The following NUMB variants were observed in gnomAD, a reference collection of about 807,000 sequenced individuals.
NUMB encodes the protein protein numb homolog.
A neutral mutation model predicts 59.7 loss-of-function variants in NUMB; 29 were observed. That is an observed-to-expected ratio of 0.49 (90% CI 0.36 to 0.66). The LOEUF (loss-of-function observed/expected upper bound fraction) is 0.66, where lower values mean the gene tolerates loss of function less well. Ranked by LOEUF, NUMB falls within the 30% of genes least tolerant of loss-of-function variation. NUMB has a pLI of 0.00. For synonymous variants in NUMB, 288 were observed against 288.2 expected, an observed-to-expected ratio of 1.00 and a Z score of 0.01; for missense variants, 723 against 822.0, an observed-to-expected ratio of 0.88 and a Z score of 1.47.
intron 1 of NUMB, among the ~76,000 whole-genome samples, chr14:73,419,544 A>C (rs1897273928): frequency 6.6e-6 from 1 of 152,250 alleles, no homozygotes; most frequent in East Asian, 1.9e-4. Context: ...AAATAAGGAA[A>C]ACCTCAAGAG....
chr14:73,441,701 C>A (rs1472337211), intron 1 of NUMB, among the ~76,000 whole-genome samples: 1 of 151,806 alleles, frequency 6.6e-6, no homozygotes, highest in Non-Finnish European at 1.5e-5. Context: ...CATAGCAAGA[C>A]CCCATCTCTA....
intron 2 of NUMB, among the ~76,000 whole-genome samples, chr14:73,396,847 G>A (rs1896162052): frequency 6.6e-6 from 1 of 152,110 alleles, no homozygotes; most frequent in South Asian, 2.1e-4. Flanking sequence ...ATAGCAGCTG[G>A]CGCAGTGGCT....
In NUMB at chr14:73,395,037, T is replaced by TG. The variant is rs1896053515; in HGVS notation, c.-101+14899_-101+14900insC. The stretch of plus-strand genomic sequence containing the variant: ...TTAAGGTTGAATAGTATTCGTGTGT[T>TG]TGTGTGTGTGTGTGTGTGTGTGTGT... On this transcript the variant is annotated intron_variant, in intron 2 of 12. Coordinates refer to ENST00000555238, the MANE Select transcript of NUMB (RefSeq NM_001005743.2). 1.4e-3 allele frequency among the ~76,000 whole-genome samples: 169 copies of TG among 120,000 alleles called. 1 individual carries two copies. The highest frequency in any genetic ancestry group is 4.5e-3 in the Middle Eastern group (1 of 224). The allele number at this position is 120,000 out of a possible 152,430, so 78.7% of individuals were successfully genotyped here.
At chr14:73,398,716 G>A (rs1212663211) in intron 2 of NUMB, among the ~76,000 whole-genome samples, 1 of 151,858 alleles carries the variant, frequency 6.6e-6, no homozygotes, top group Non-Finnish European at 1.5e-5. Flanking sequence ...AGATTGACAA[G>A]GCTAAACAGA....
At chr14:73,301,394 C>T (rs1890121792) in intron 6 of NUMB, among the ~76,000 whole-genome samples, 1 of 152,196 alleles carries the variant, frequency 6.6e-6, no homozygotes, top group African/African-American at 2.4e-5. Flanking sequence ...TCCAGTTAGT[C>T]TCCTTACAAT....
intron 1 of NUMB, among the ~76,000 whole-genome samples, chr14:73,452,521 C>CA (rs557388372): frequency 4.6e-5 from 7 of 151,580 alleles, no homozygotes; most frequent in South Asian, 4.2e-4. Context: ...GACACCGTCT[C>CA]AAAAAAAAGG....
chr14:73,293,673 G>C (rs1051048820), intron 7 of NUMB, among the ~76,000 whole-genome samples: 1 of 152,134 alleles, frequency 6.6e-6, no homozygotes, highest in Non-Finnish European at 1.5e-5. Context: ...TTACAGGCAC[G>C]AGCCACCGTG....
chr14:73,452,343 A>T (rs781313981), intron 1 of NUMB, among the ~76,000 whole-genome samples: 19 of 152,128 alleles, frequency 1.2e-4, no homozygotes, highest in Non-Finnish European at 2.2e-4. Context: ...CTGGGCAACG[A>T]GAACGAAACT....
At chr14:73,362,603 C>A (rs1323771856) in intron 3 of NUMB, among the ~76,000 whole-genome samples, 1 of 151,848 alleles carries the variant, frequency 6.6e-6, no homozygotes, top group Non-Finnish European at 1.5e-5. Flanking sequence ...CCACCATGCC[C>A]AGCTATTTTT....
chr14:73,410,808 C>G (rs978181334), intron 1 of NUMB, among the ~76,000 whole-genome samples: 1 of 152,114 alleles, frequency 6.6e-6, no homozygotes, highest in Non-Finnish European at 1.5e-5. Flanking sequence ...CTTCTAACAG[C>G]CTACATACTC....
At chr14:73,341,529 C>T (rs1892628689) in intron 4 of NUMB, among the ~76,000 whole-genome samples, 1 of 152,000 alleles carries the variant, frequency 6.6e-6, no homozygotes. Context: ...TTAAAAGTGT[C>T]ACTATAGAAT....
intron 2 of NUMB, among the ~76,000 whole-genome samples, chr14:73,370,411 G>A (rs75386743): frequency 0.051 from 7,838 of 152,200 alleles, 653 homozygotes; most frequent in African/African-American, 0.18. Flanking sequence ...GTTTCTTCTC[G>A]CCAGGCGTGG....
intron 1 of NUMB, among the ~76,000 whole-genome samples, chr14:73,436,561 GCCCAC>G (rs1397139912): frequency 6.6e-6 from 1 of 151,998 alleles, no homozygotes; most frequent in African/African-American, 2.4e-5. Flanking sequence ...CTCATGATCC[GCCCAC>G]CTTGGGCTCC....
chr14:73,454,221 A>T (rs4899465), intron 1 of NUMB, among the ~76,000 whole-genome samples: 78,577 of 149,998 alleles, frequency 0.52, 21,093 homozygotes, highest in East Asian at 0.81. Flanking sequence ...ATTTTTTTTT[A>T]AAAAAAAAGG....
chr14:73,403,405 G>A (rs964697399), intron 2 of NUMB, among the ~76,000 whole-genome samples: 3 of 152,106 alleles, frequency 2.0e-5, no homozygotes, highest in African/African-American at 7.2e-5. Flanking sequence ...TAACTTCCTG[G>A]CTAATAATTA....
chr14:73,415,157 C>T (rs530603248), intron 1 of NUMB, among the ~76,000 whole-genome samples: 3 of 148,088 alleles, frequency 2.0e-5, no homozygotes, highest in Non-Finnish European at 4.4e-5. Flanking sequence ...CACTTCATTT[C>T]GTCATTGGTC....
chr14:73,375,600 T>C (rs2037483203), intron 2 of NUMB, among the ~76,000 whole-genome samples: 1 of 152,186 alleles, frequency 6.6e-6, no homozygotes, highest in African/African-American at 2.4e-5. Flanking sequence ...AAGTTTTAAC[T>C]GAGTATTTGA....
intron 1 of NUMB, among the ~76,000 whole-genome samples, chr14:73,414,722 G>T (rs11845277): frequency 1.3e-5 from 2 of 150,780 alleles, no homozygotes; most frequent in Non-Finnish European, 3.0e-5. Context: ...GGGCGGGTGC[G>T]GGGGGGGCGG....
chr14:73,316,199 G>C (rs962705719), intron 6 of NUMB, among the ~76,000 whole-genome samples, 191 bp downstream of exon 6: 1 of 152,116 alleles, frequency 6.6e-6, no homozygotes, highest in African/African-American at 2.4e-5. Flanking sequence ...AGAATCATCA[G>C]ATTTAGTATC....
Sources: allele counts gnomAD v4.1 joint callset (sites outside exome capture counted in the v4.1 genomes callset), GRCh38; gene constraint gnomAD v4.1.1; transcripts MANE v1.5; gene names NCBI Gene and HGNC (gene_info 2026-07-23, HGNC 2026-07-21).